The following BRD1 variants were observed in gnomAD, a reference collection of about 807,000 sequenced individuals.
BRD1 encodes the protein bromodomain containing 1, also known as bromodomain-containing protein 1.
A neutral mutation model predicts 107.7 loss-of-function variants in BRD1; 24 were observed. That is an observed-to-expected ratio of 0.22 (90% CI 0.16 to 0.31). The LOEUF (loss-of-function observed/expected upper bound fraction) is 0.31. BRD1 is among the 10% of genes least tolerant of loss of function. The pLI is 1.00. For synonymous variants in BRD1, 744 were observed against 686.1 expected (o/e 1.08, Z -1.32); for missense variants, 1,279 against 1,638.6 (o/e 0.78, Z 3.79).
Position 49,798,649 on chromosome 22 carries a change from G to A in BRD1, c.1694C>T (p.Thr565Ile), listed in dbSNP as rs376208895. Reference protein sequence around the residue: ...VEQVAMELRLTPLTVLLRSVL... With the variant: ...VEQVAMELRLIPLTVLLRSVL... Reference sequence around the variant, plus strand: ...TGAGCGCAGCAGCACCGTCAGCGGGGTCAGCCGCAGCTCCATGGCGACCTG... The same window carrying A: ...TGAGCGCAGCAGCACCGTCAGCGGGATCAGCCGCAGCTCCATGGCGACCTG... The change falls in exon 5 of 13, where the codon ACC becomes ATC. Residue 565 changes from threonine (T) to isoleucine (I), a missense_variant. Around this residue, in one of 7 missense-constraint regions of BRD1, gnomAD observed 406 missense variants for 519.4 expected, o/e 0.78. Coordinates refer to ENST00000404760, the MANE Select transcript of BRD1 (RefSeq NM_001304808.3). 2.0e-5 allele frequency: 33 copies of A among 1,612,742 alleles called. No individual in the cohort carries two copies. The highest frequency in any genetic ancestry group is 2.8e-5 in the Non-Finnish European group (33 of 1,179,576).
chr22:49,789,947 C>T (rs2059401126), intron 7 of BRD1, among the ~76,000 whole-genome samples: 1 of 152,230 alleles, frequency 6.6e-6, no homozygotes. Flanking sequence ...CCTGGTCTAT[C>T]CCAAAGCGGG....
At chr22:49,809,850 CTAAT>C (rs1332228546) in intron 2 of BRD1, among the ~76,000 whole-genome samples, 5 of 152,062 alleles carry the variant, frequency 3.3e-5, no homozygotes, top group African/African-American at 1.2e-4. Context: ...ACCTACAAGC[CTAAT>C]GAAACCAATT....
intron 2 of BRD1, chr22:49,818,123 G>C: frequency 1.4e-6 from 1 of 715,074 alleles, no homozygotes; most frequent in Non-Finnish European, 1.8e-6. Flanking sequence ...AAAATAAAAT[G>C]ACACCAGTGA....
chr22:49,793,912 G>T, intron 7 of BRD1, 122 bp downstream of exon 7: 1 of 1,353,802 alleles, frequency 7.4e-7, no homozygotes, highest in Non-Finnish European at 1.0e-6. Context: ...TTACGGAACT[G>T]GCGCTAACCT....
chr22:49,816,189 C>T (rs928816797), intron 2 of BRD1, among the ~76,000 whole-genome samples: 2 of 152,152 alleles, frequency 1.3e-5, no homozygotes, highest in Admixed American at 1.3e-4. Context: ...GACTTAAAAA[C>T]ACAAGCCAAA....
In BRD1 at chr22:49,797,796, A is replaced by C; in HGVS notation, c.2098+9T>G. ...TTCCACCTCCTCCGGACACGGCGCC[A>C]GTTCTTACCGTCTTCCCAGGAGAAA... is the stretch of plus-strand genomic sequence containing the variant. On this transcript the variant is annotated intron_variant, in intron 6 of 12. Coordinates refer to ENST00000404760, the MANE Select transcript of BRD1 (RefSeq NM_001304808.3). The C allele has an allele frequency of 6.3e-7, 1 of 1,584,118 alleles. No homozygotes were observed. Among genetic ancestry groups the C allele is most frequent in the Non-Finnish European group, 8.6e-7 (1 of 1,166,464 alleles).
chr22:49,806,264 A>G (rs1207273581), intron 2 of BRD1: 1 of 152,222 alleles, frequency 6.6e-6, no homozygotes, highest in Non-Finnish European at 1.5e-5. Flanking sequence ...CCTCATCACA[A>G]CAAGCCACCA....
At chr22:49,810,169 A>G (rs556905050) in intron 2 of BRD1, among the ~76,000 whole-genome samples, 5 of 152,228 alleles carry the variant, frequency 3.3e-5, no homozygotes, top group Non-Finnish European at 4.4e-5. Flanking sequence ...CGAGCAAGCA[A>G]GCAAGCCCCA....
At chr22:49,815,341 G>A (rs1206659878) in intron 2 of BRD1, among the ~76,000 whole-genome samples, 5 of 152,106 alleles carry the variant, frequency 3.3e-5, no homozygotes, top group African/African-American at 1.2e-4. Flanking sequence ...TCAGGAGTTC[G>A]AGACCAGCCT....
chr22:49,787,308 C>CA lies in BRD1; in HGVS notation c.2857+81_2857+82insT, dbSNP rs914226340. The CA allele has an allele frequency of 9.1e-6, 10 of 1,097,088 alleles. No individual in the cohort carries two copies. The East Asian group carries it at 1.8e-4, about 19-fold the overall frequency. 68.0% of individuals were successfully genotyped at this position (1,097,088 alleles called of 1,614,324 possible). ...AAAACAGAAGCTGGACACCCCCCCC[C>CA]CCCCGTCACACCAATGATCCTGAAG... On this transcript the variant is annotated intron_variant, in intron 8 of 12. Transcript: ENST00000404760.
intron 2 of BRD1, among the ~76,000 whole-genome samples, chr22:49,815,277 G>A (rs1169280359): frequency 6.6e-6 from 1 of 152,212 alleles, no homozygotes; most frequent in African/African-American, 2.4e-5. Context: ...AGTGGCTTAT[G>A]CCTGTAATCC....
rs184758037 is a variant in BRD1 at position 49,798,359 on chromosome 22, G to A, written c.1785+199C>T. ...ACAGCCCAGGGTACTGTCTGCACAGGGCCTCTTGCCCACTGCACTTTCAGT... is the reference window on the plus strand; with the variant it reads ...ACAGCCCAGGGTACTGTCTGCACAGAGCCTCTTGCCCACTGCACTTTCAGT... On this transcript the variant is annotated intron_variant, in intron 5 of 12. Transcript: ENST00000404760. 2.0e-4 allele frequency among the ~76,000 whole-genome samples: 30 copies of A among 152,170 alleles called. No individual in the cohort carries two copies. In the East Asian group the frequency reaches 5.6e-3, roughly 28 times the overall value.
At chr22:49,827,133 A>G (rs1301758880) in intron 1 of BRD1, among the ~76,000 whole-genome samples, 1 of 150,498 alleles carries the variant, frequency 6.6e-6, no homozygotes, top group East Asian at 2.0e-4. Context: ...CGGCTGCCCG[A>G]GGCCCGACCC....
In BRD1 at chr22:49,824,583, A is replaced by G; in HGVS notation, c.-14-252T>C. On this transcript the variant is annotated intron_variant, in intron 1 of 12. Coordinates refer to ENST00000404760, the MANE Select transcript of BRD1 (RefSeq NM_001304808.3). The surrounding 1 kb of genome is among the most constrained non-coding windows in gnomAD (Gnocchi z 5.9). ...AGCCCTCCTGAGCACCTGCGTCCCT[A>G]CCACCACACACCAGTCCCCTCTCAG... is the stretch of plus-strand genomic sequence containing the variant. 1 of 1,311,842 alleles carries G rather than the reference A, an allele frequency of 7.6e-7. No individual in the cohort carries two copies. The highest frequency in any genetic ancestry group is 3.2e-5 in the Admixed American group (1 of 30,776). 81.3% of individuals were successfully genotyped at this position (1,311,842 alleles called of 1,614,324 possible). A position where few individuals can be genotyped will look rare whatever the true frequency, so the allele number is the denominator to read the frequency against.
At chr22:49,791,293 C>T (rs554193898) in intron 7 of BRD1, among the ~76,000 whole-genome samples, 1 of 152,212 alleles carries the variant, frequency 6.6e-6, no homozygotes. Flanking sequence ...AGGGGCAGAC[C>T]GGGGCCAACA....
Position 49,783,177 on chromosome 22 carries a change from C to T in BRD1, c.2857+4213G>A, listed in dbSNP as rs1255627234. ...TGCAGCTGGGATGGTCAGAGACAGA[C>T]CCAAGGCCCAGGACAGACGCCTGCA... On this transcript the variant is annotated intron_variant, in intron 8 of 12. Transcript: ENST00000404760. This position sits in a 1 kb window ranked among gnomAD's most constrained non-coding sequence, Gnocchi z 4.2. Among the ~76,000 whole-genome samples the T allele has an allele frequency of 6.6e-6, 1 of 152,146 alleles. No individual in the cohort carries two copies. Among genetic ancestry groups the T allele is most frequent in the African/African-American group, 2.4e-5 (1 of 41,428 alleles).
intron 6 of BRD1, among the ~76,000 whole-genome samples, chr22:49,796,532 G>A (rs2157536): frequency 0.37 from 56,462 of 151,888 alleles, 14,723 homozygotes; most frequent in African/African-American, 0.75. Flanking sequence ...AATTTTTTGT[G>A]TTTGCAGTAG....
intron 2 of BRD1, among the ~76,000 whole-genome samples, chr22:49,819,274 G>T (rs958232903): frequency 4.6e-5 from 7 of 150,822 alleles, no homozygotes; most frequent in African/African-American, 1.7e-4. Flanking sequence ...AAAAAAAGAA[G>T]AACAGAAAAG....
intron 2 of BRD1, among the ~76,000 whole-genome samples, chr22:49,819,224 C>T (rs1288569753): frequency 6.6e-6 from 1 of 152,010 alleles, no homozygotes; most frequent in Non-Finnish European, 1.5e-5. Context: ...TATGCCATTG[C>T]ACTCCAGCCT....
Sources: gnomAD v4.1 joint callset for allele counts (sites outside exome capture counted in the v4.1 genomes callset) on GRCh38, gnomAD v4.1.1 for gene constraint, gnomAD v4.1.1 regional missense constraint, Gnocchi (gnomAD v3.1) non-coding constraint, MANE v1.5 for transcripts, NCBI Gene and HGNC (gene_info 2026-07-23, HGNC 2026-07-21) for gene names.